Variants in LOC112267897 observed in about 807,000 individuals in gnomAD.
At chr13:63,746,744 G>A in the LOC112267897 span, 17,372 of 1,300,020 alleles carry the variant, frequency 0.013, 1,686 homozygotes, top group African/African-American at 0.18. Context: ...AGTAGAAGAC[G>A]TCCACACCTC....
chr13:63,747,325 T>C, the LOC112267897 span: 1 of 583,544 alleles, frequency 1.7e-6, no homozygotes, highest in Non-Finnish European at 2.8e-6. Flanking sequence ...TAGCCTCACA[T>C]TTCTTTGAAT....
the LOC112267897 span, chr13:63,747,400 T>G: frequency 5.1e-6 from 2 of 393,762 alleles, no homozygotes; most frequent in Non-Finnish European, 8.6e-6. Context: ...TTTTGCTCCC[T>G]TAATCTCTGA....
the LOC112267897 span, chr13:63,747,894 A>G: frequency 3.7e-5 from 2 of 54,502 alleles, no homozygotes; most frequent in African/African-American, 1.5e-4. Context: ...ATATTATCCA[A>G]TATGGTAACA....
the LOC112267897 span, chr13:63,747,817 A>C: frequency 7.8e-6 from 1 of 127,594 alleles, no homozygotes; most frequent in Non-Finnish European, 1.5e-5. Flanking sequence ...CTGTGTTTTT[A>C]CTGTATCTTT....
chr13:63,746,989 C>T, the LOC112267897 span: 1 of 1,464,004 alleles, frequency 6.8e-7, no homozygotes, highest in African/African-American at 1.4e-5. Context: ...ATGGCTGTGG[C>T]TATGGAACTG....
At chr13:63,746,833 C>CTATGGCTCCAGCTATGGCTGTGGT in the LOC112267897 span, 1 of 1,423,372 alleles carries the variant, frequency 7.0e-7, no homozygotes, top group African/African-American at 1.5e-5. Flanking sequence ...ACTCCTGTGG[C>CTATGGCTCCAGCTATGGCTGTGGT]TATGGCTCCA....
the LOC112267897 span, chr13:63,746,897 G>T: frequency 6.9e-7 from 1 of 1,449,708 alleles, no homozygotes; most frequent in Non-Finnish European, 9.6e-7. Context: ...CTCCAGCTAT[G>T]GCTGTGGCTA....
At chr13:63,747,073 C>G in the LOC112267897 span, 1 of 1,606,298 alleles carries the variant, frequency 6.2e-7, no homozygotes, top group Non-Finnish European at 8.5e-7. Context: ...ATGGAACTGG[C>G]TTCGGCTGTG....
the LOC112267897 span, chr13:63,746,943 A>G: frequency 1.4e-6 from 2 of 1,426,340 alleles, no homozygotes; most frequent in Non-Finnish European, 2.0e-6. Context: ...GGCTGTGGCT[A>G]TGGCTCTGGT....
chr13:63,747,084 G>T, the LOC112267897 span: 3 of 1,605,056 alleles, frequency 1.9e-6, no homozygotes, highest in Non-Finnish European at 2.6e-6. Flanking sequence ...TTCGGCTGTG[G>T]GTATGGCTGT....
chr13:63,746,964 G>A, the LOC112267897 span: 1 of 1,416,338 alleles, frequency 7.1e-7, no homozygotes, highest in South Asian at 1.1e-5. Context: ...TATGGCTGTG[G>A]CTATGGCTCC....
At chr13:63,747,746 T>A in the LOC112267897 span, 1 of 135,324 alleles carries the variant, frequency 7.4e-6, no homozygotes, top group South Asian at 1.7e-4. Context: ...CCATTCGTGC[T>A]AAGTGGTCTA....
the LOC112267897 span, chr13:63,747,085 G>A: frequency 1.9e-6 from 3 of 1,604,432 alleles, no homozygotes; most frequent in East Asian, 2.2e-5. Context: ...TCGGCTGTGG[G>A]TATGGCTGTG....
chr13:63,747,304 T>G, the LOC112267897 span: 1 of 672,652 alleles, frequency 1.5e-6, no homozygotes, highest in East Asian at 2.9e-5. Context: ...CTTGACAGAG[T>G]CTTGGACCTC....
At chr13:63,747,727 C>G in the LOC112267897 span, 1 of 128,810 alleles carries the variant, frequency 7.8e-6, no homozygotes, top group Non-Finnish European at 1.5e-5. Flanking sequence ...ATTTTCAGCC[C>G]TGTAAGTGCC....
At chr13:63,747,857 A>C in the LOC112267897 span, 184 of 109,756 alleles carry the variant, frequency 1.7e-3, 14 homozygotes, top group African/African-American at 9.3e-3. Flanking sequence ...AGATACACAA[A>C]TATTTATTAT....
the LOC112267897 span, chr13:63,747,177 A>G: frequency 3.5e-5 from 54 of 1,560,008 alleles, no homozygotes; most frequent in African/African-American, 2.6e-4. Flanking sequence ...AGAAGATGCT[A>G]TTCTTCCTGC....
At chr13:63,746,977 C>G in the LOC112267897 span, 1 of 1,441,834 alleles carries the variant, frequency 6.9e-7, no homozygotes. Context: ...ATGGCTCCAG[C>G]TATGGCTGTG....
At chr13:63,747,434 G>A in the LOC112267897 span, 2 of 305,308 alleles carry the variant, frequency 6.6e-6, no homozygotes, top group Non-Finnish European at 1.1e-5. Flanking sequence ...CTGTGTTAAT[G>A]ATCATAACAT....
Sources: gnomAD v4.1 joint callset for allele counts on GRCh38, gnomAD v4.1.1 for gene constraint, MANE v1.5 for transcripts.